Variants in AXIN1 observed in about 807,000 individuals in gnomAD.
The protein encoded by AXIN1 is axin 1, also known as axin-1.
A neutral mutation model predicts 76.4 loss-of-function variants in AXIN1; 30 were observed. That is an observed-to-expected ratio of 0.39 (90% CI 0.29 to 0.53). The LOEUF is 0.53. Ranked by LOEUF, AXIN1 falls within the 20% of genes least tolerant of loss-of-function variation. The pLI, the probability that AXIN1 is intolerant of heterozygous loss-of-function variation, is 0.66. For synonymous variants in AXIN1, 545 were observed against 501.4 expected, an observed-to-expected ratio of 1.09 and a Z score of -1.16; for missense variants, 1,140 against 1,198.8, an observed-to-expected ratio of 0.95 and a Z score of 0.72.
chr16:318,174 C>T lies in AXIN1; in HGVS notation c.879-3491G>A, dbSNP rs751548877. ...CACTTGGGAGCCACATACAGCAGAA[C>T]GAAGCCTTCTGTGTTCATGTGTCCA... On this transcript the variant is annotated intron_variant, in intron 2 of 10. Transcript: ENST00000262320. Among the ~76,000 whole-genome samples the T allele has an allele frequency of 5.6e-4, 86 of 152,368 alleles. 1 individual carries two copies. Among genetic ancestry groups the T allele is most frequent in the Middle Eastern group, 3.4e-3 (1 of 294 alleles).
chr16:294,678 C>T (rs1296745694), intron 7 of AXIN1, among the ~76,000 whole-genome samples: 1 of 141,990 alleles, frequency 7.0e-6, no homozygotes, highest in East Asian at 2.1e-4. Context: ...CCACTTGAAC[C>T]TGGGAGGTGG....
At chr16:318,587 GGGA>G (rs2053358234) in intron 2 of AXIN1, among the ~76,000 whole-genome samples, 1 of 152,184 alleles carries the variant, frequency 6.6e-6, no homozygotes, top group Admixed American at 6.5e-5. Context: ...CACGTCCAAG[GGGA>G]GGTCACATGG....
At chr16:334,742 G>A (rs532346709) in intron 2 of AXIN1, among the ~76,000 whole-genome samples, 1 of 151,136 alleles carries the variant, frequency 6.6e-6, no homozygotes, top group Admixed American at 6.6e-5. Flanking sequence ...CAATAACACA[G>A]CACCTAGTAC....
At chr16:340,665 A>T (rs1306196867) in intron 2 of AXIN1, among the ~76,000 whole-genome samples, 1 of 152,260 alleles carries the variant, frequency 6.6e-6, no homozygotes, top group Non-Finnish European at 1.5e-5. Context: ...CAATGGGAAC[A>T]AAGACCCGAG....
Position 293,517 on chromosome 16 carries a change from C to G in AXIN1, c.2157G>C (p.Lys719Asn), listed in dbSNP as rs2141485015. The change falls in exon 8 of 11, where the codon AAG becomes AAC. Residue 719 changes from lysine to asparagine, a missense_variant. Lys to Asn is a moderately conservative substitution (Grantham distance 94). Around this residue, in one of 3 missense-constraint regions of AXIN1, gnomAD observed 429 missense variants for 405.8 expected, o/e 1.06. Coordinates refer to ENST00000262320, the MANE Select transcript of AXIN1 (RefSeq NM_003502.4). The surrounding 1 kb of genome is among the most constrained non-coding windows in gnomAD (Gnocchi z 4.6). ...EARRRLEEEE[K>N]RASRAPSKQR... ...GCTTGGAGGGTGCTCGGCTGGCTCTCTTTTCTTCCTCCTCCAGACGTCGGC... is the reference window on the plus strand; with the variant it reads ...GCTTGGAGGGTGCTCGGCTGGCTCTGTTTTCTTCCTCCTCCAGACGTCGGC... 1 of 1,610,448 alleles carries G rather than the reference C, an allele frequency of 6.2e-7. No homozygotes were observed.
rs537261569 is a variant in AXIN1, at chr16:288,329, C to T, written c.2463-81G>A. 3.8e-6 allele frequency: 6 copies of T among 1,571,384 alleles called. No individual in the cohort carries two copies. The South Asian group carries it at 4.4e-5, about 12-fold the overall frequency. Reference sequence around the variant, plus strand: ...GGCCTGTGGCAGGGGACGGCGTGTCCACACCCCATCCCGAGGAGCCTCCTG... The same window carrying T: ...GGCCTGTGGCAGGGGACGGCGTGTCTACACCCCATCCCGAGGAGCCTCCTG... On this transcript the variant is annotated intron_variant, in intron 10 of 10. Transcript: ENST00000262320.
intron 2 of AXIN1, among the ~76,000 whole-genome samples, chr16:334,204 C>A: frequency 6.7e-6 from 1 of 148,248 alleles, no homozygotes; most frequent in South Asian, 2.2e-4. Flanking sequence ...CCATGGCATG[C>A]CAATAACACA....
At chr16:336,462 G>A (rs997190552) in intron 2 of AXIN1, among the ~76,000 whole-genome samples, 3 of 152,146 alleles carry the variant, frequency 2.0e-5, no homozygotes, top group African/African-American at 4.8e-5. Flanking sequence ...CTTGAAGTAA[G>A]GAAGTGTTAT....
Position 346,638 on chromosome 16 carries a change from A to G in AXIN1, c.388T>C (p.Cys130Arg), listed in dbSNP as rs1462667905. ...AGCCTCTTCTCCTCGTTCGAGTCAC[A>G]GGGCTCCAGCTTCCTGAAGCCAGTG... Reference protein sequence around the residue: ...ACTGFRKLEPCDSNEEKRLKL... With the variant: ...ACTGFRKLEPRDSNEEKRLKL... The change falls in exon 2 of 11, where the codon TGT becomes CGT. Residue 130 changes from cysteine to arginine, a missense_variant. Coordinates refer to ENST00000262320, the MANE Select transcript of AXIN1 (RefSeq NM_003502.4). The G allele has an allele frequency of 6.3e-7, 1 of 1,583,058 alleles. No individual in the cohort carries two copies. The highest frequency in any genetic ancestry group is 1.4e-5 in the African/African-American group (1 of 73,746).
rs888214026 is a variant in AXIN1 at position 295,096 on chromosome 16, C to CT, written c.1956-1379dup. Among the ~76,000 whole-genome samples, 778 of 141,842 alleles carry CT rather than the reference C, an allele frequency of 5.5e-3. 3 individuals carry two copies. The highest frequency in any genetic ancestry group is 0.015 in the Admixed American group (218 of 14,146). The allele number at this position is 141,842 out of a possible 152,430, so 93.1% of individuals were successfully genotyped here. A position where few individuals can be genotyped will look rare whatever the true frequency, so the allele number is the denominator to read the frequency against. ...AAAAAAAAAAATTCTTTCATGGAGACTTTTTTTTTTTCTTTTTTTGAGACA... is the reference window on the plus strand; with the variant it reads ...AAAAAAAAAAATTCTTTCATGGAGACTTTTTTTTTTTTCTTTTTTTGAGACA... On this transcript the variant is annotated intron_variant, in intron 7 of 10. Transcript: ENST00000262320.
In AXIN1 at chr16:330,604, G is replaced by A. The variant is rs536906360; in HGVS notation, c.878+15544C>T. Among the ~76,000 whole-genome samples, 4 of 152,296 alleles carry A rather than the reference G, an allele frequency of 2.6e-5. No individual in the cohort carries two copies. The South Asian group carries it at 6.2e-4, about 24-fold the overall frequency. ...CTGCTCACTGCCACATTTCTTCAAT[G>A]TCACAAAAGTCTCTTCAGAGCCTGG... On this transcript the variant is annotated intron_variant, in intron 2 of 10. Coordinates refer to ENST00000262320, the MANE Select transcript of AXIN1 (RefSeq NM_003502.4).
intron 10 of AXIN1, 85 bp from the exon 11 acceptor site, chr16:288,333 C>A: frequency 6.7e-7 from 1 of 1,495,574 alleles, no homozygotes; most frequent in Non-Finnish European, 8.9e-7. Flanking sequence ...CGTGTCCACA[C>A]CCCATCCCGA....
At chr16:326,372 A>T (rs201124026) in intron 2 of AXIN1, among the ~76,000 whole-genome samples, 5,942 of 84,032 alleles carry the variant, frequency 0.071, 205 homozygotes, top group East Asian at 0.11. Flanking sequence ...AAAAAAAAAA[A>T]ATATATATAT....
chr16:331,841 C>T (rs534055368), intron 2 of AXIN1, among the ~76,000 whole-genome samples: 5 of 152,198 alleles, frequency 3.3e-5, no homozygotes, highest in Admixed American at 6.5e-5. Flanking sequence ...CCTCTACTTA[C>T]GTCACCCTCA....
chr16:322,120 GC>G (rs1302614705), intron 2 of AXIN1, among the ~76,000 whole-genome samples: 1 of 152,220 alleles, frequency 6.6e-6, no homozygotes, highest in Non-Finnish European at 1.5e-5. Flanking sequence ...AGCACAGAGA[GC>G]CCCGTCTTGT....
intron 2 of AXIN1, among the ~76,000 whole-genome samples, chr16:332,380 A>C (rs535602017): frequency 6.6e-6 from 1 of 152,058 alleles, no homozygotes; most frequent in Non-Finnish European, 1.5e-5. Context: ...GATGGAGACC[A>C]TCCTGGCTAA....
chr16:322,166 G>A (rs999162326), intron 2 of AXIN1, among the ~76,000 whole-genome samples: 38 of 152,218 alleles, frequency 2.5e-4, no homozygotes, highest in African/African-American at 8.2e-4. Flanking sequence ...TGCCGCAGGC[G>A]TGAGGCTGGG....
rs1029142150 is a variant in AXIN1, at chr16:317,023, C to T, written c.879-2340G>A. On this transcript the variant is annotated intron_variant, in intron 2 of 10. Coordinates refer to ENST00000262320, the MANE Select transcript of AXIN1 (RefSeq NM_003502.4). ...CACGTGCACATGGCCGGAGGAACTG[C>T]CATGTCGGAGGTGCAAGCACACCTG... Among the ~76,000 whole-genome samples the T allele has an allele frequency of 3.3e-5, 5 of 152,310 alleles. No individual in the cohort carries two copies. The East Asian group carries it at 9.7e-4, about 29-fold the overall frequency.
At chr16:294,682 G>A (rs999285172) in intron 7 of AXIN1, among the ~76,000 whole-genome samples, 4 of 148,582 alleles carry the variant, frequency 2.7e-5, no homozygotes, top group Non-Finnish European at 5.9e-5. Context: ...TTGAACCTGG[G>A]AGGTGGAGGT....
Sources: allele counts gnomAD v4.1 joint callset (sites outside exome capture counted in the v4.1 genomes callset), GRCh38; gene constraint gnomAD v4.1.1; regional missense constraint gnomAD v4.1.1; non-coding constraint Gnocchi (gnomAD v3.1); transcripts MANE v1.5; gene names NCBI Gene and HGNC (gene_info 2026-07-23, HGNC 2026-07-21).